Variants in TBC1D1 observed in about 807,000 individuals in gnomAD.
The protein encoded by TBC1D1 is TBC1 domain family member 1, also known as TBC1 (tre-2/USP6, BUB2, cdc16) domain family, member 1.
A neutral mutation model predicts 125.6 loss-of-function variants in TBC1D1; 89 were observed. The observed-to-expected ratio is 0.71, with a 90% CI of 0.60 to 0.85. The LOEUF is 0.85. Ranked by LOEUF, TBC1D1 falls within the 40% of genes least tolerant of loss-of-function variation. The pLI is 0.00. For missense variants in TBC1D1, 1,377 were observed against 1,469.2 expected, an observed-to-expected ratio of 0.94 and a Z score of 1.03; for synonymous variants, 565 against 564.1, an observed-to-expected ratio of 1.00 and a Z score of -0.02.
chr4:38,006,474 ATTTTTTTTTT>A (rs71190940), intron 2 of TBC1D1, among the ~76,000 whole-genome samples: 1 of 101,388 alleles, frequency 9.9e-6, no homozygotes, highest in Non-Finnish European at 1.9e-5. Context: ...GACCAACACT[ATTTTTTTTTT>A]TTTTTTTTTT....
At chr4:37,898,840 G>C (rs2152216136) in intron 1 of TBC1D1, among the ~76,000 whole-genome samples, 1 of 152,308 alleles carries the variant, frequency 6.6e-6, no homozygotes, top group South Asian at 2.1e-4. Context: ...TCTGAGGAGA[G>C]AGGAACCGTA....
At chr4:37,958,279 T>C (rs1164333422) in intron 2 of TBC1D1, among the ~76,000 whole-genome samples, 1 of 152,194 alleles carries the variant, frequency 6.6e-6, no homozygotes, top group African/African-American at 2.4e-5. Flanking sequence ...AGCAGGCCAT[T>C]TTCATCTCTA....
chr4:37,944,278 G>A (rs776210093), intron 2 of TBC1D1, among the ~76,000 whole-genome samples: 2 of 152,158 alleles, frequency 1.3e-5, no homozygotes, highest in Non-Finnish European at 2.9e-5. Flanking sequence ...GCTACTTGGG[G>A]GTCAGGGACC....
chr4:38,067,794 CTTGTAG>C (rs1483695621), intron 12 of TBC1D1, among the ~76,000 whole-genome samples: 1 of 152,174 alleles, frequency 6.6e-6, no homozygotes, highest in African/African-American at 2.4e-5. Context: ...ACCAGATGTT[CTTGTAG>C]TACGAAAAGT....
chr4:38,124,362 A>G (rs1392813558), intron 17 of TBC1D1, among the ~76,000 whole-genome samples: 2 of 152,220 alleles, frequency 1.3e-5, no homozygotes, highest in Non-Finnish European at 2.9e-5. Flanking sequence ...CACTCTAAGA[A>G]CAAAATATGG....
At chr4:37,897,061 G>A (rs945845004) in intron 1 of TBC1D1, among the ~76,000 whole-genome samples, 5 of 152,110 alleles carry the variant, frequency 3.3e-5, no homozygotes, top group African/African-American at 1.2e-4. Flanking sequence ...TGGAATCACA[G>A]TATTTCTTGC....
In TBC1D1 at chr4:38,137,294, C is replaced by T. The variant is rs142224285; in HGVS notation, c.3466C>T (p.Arg1156Trp). The change falls in exon 20 of 20, where the codon CGG (arginine) becomes TGG (tryptophan). Residue 1156 changes from arginine to tryptophan, a missense_variant. By Grantham distance (101) the Arg-to-Trp change is moderately radical. Transcript: ENST00000261439. ...GCGGCGGAGCGCAGAGCCCAGCGAC[C>T]GGGAGCCTGAGTGCACGCAGCCCGA... is the stretch of plus-strand genomic sequence containing the variant. The T allele has an allele frequency of 6.5e-5, 105 of 1,611,306 alleles. No homozygotes were observed. Among genetic ancestry groups the T allele is most frequent in the Admixed American group, 3.3e-5 (2 of 59,966 alleles).
At chr4:37,941,438 C>T (rs952235810) in intron 2 of TBC1D1, among the ~76,000 whole-genome samples, 9 of 152,040 alleles carry the variant, frequency 5.9e-5, no homozygotes, top group Non-Finnish European at 1.0e-4. Context: ...GTCTTGCTAG[C>T]GGTCTATCAA....
chr4:38,133,007 C>T (rs375473837), intron 18 of TBC1D1, 77 bp from the exon 21 acceptor site: 5 of 1,353,026 alleles, frequency 3.7e-6, no homozygotes, highest in African/African-American at 1.5e-5. Flanking sequence ...TGCGCATTGT[C>T]GTGATTGCAG....
At position 38,133,158 on chromosome 4, in the gene TBC1D1, C is replaced by G. The variant is rs759170557; in HGVS notation, c.3207C>G (p.Ile1069Met). ...ACCACGTCCTTCAAGAAGAACTTATCGATTCCTCTCCTCTCAGTGACAACC... is the reference window on the plus strand; with the variant it reads ...ACCACGTCCTTCAAGAAGAACTTATGGATTCCTCTCCTCTCAGTGACAACC... Residue 1069 changes from isoleucine to methionine, a missense_variant, in exon 19 of 20, where the codon ATC becomes ATG. Ile to Met is a conservative substitution (Grantham distance 10, BLOSUM62 1). This residue lies in a region of TBC1D1 where 543 missense variants were observed against 613.5 expected (regional missense o/e 0.89). Transcript: ENST00000261439. 1 of 1,614,128 alleles carries G rather than the reference C, an allele frequency of 6.2e-7. No homozygotes were observed. The highest frequency in any genetic ancestry group is 1.1e-5 in the South Asian group (1 of 91,086).
chr4:38,016,908 G>A (rs1742853331), intron 3 of TBC1D1, among the ~76,000 whole-genome samples: 1 of 152,226 alleles, frequency 6.6e-6, no homozygotes, highest in Non-Finnish European at 1.5e-5. Context: ...CAGGATACTT[G>A]GGGGAGGGCA....
At chr4:37,936,282 A>G (rs1724374144) in intron 2 of TBC1D1, among the ~76,000 whole-genome samples, 1 of 152,280 alleles carries the variant, frequency 6.6e-6, no homozygotes, top group Non-Finnish European at 1.5e-5. Flanking sequence ...GAACAATTAT[A>G]ACAATAGATT....
rs148407331 is a variant in TBC1D1 at position 37,971,789 on chromosome 4, A to G, written c.418-42720A>G. 1.9e-3 allele frequency among the ~76,000 whole-genome samples: 293 copies of G among 152,360 alleles called. 2 individuals carry two copies. The highest frequency in any genetic ancestry group is 6.8e-3 in the Middle Eastern group (2 of 294). On this transcript the variant is annotated intron_variant, in intron 2 of 19. Coordinates refer to ENST00000261439, the MANE Select transcript of TBC1D1 (RefSeq NM_015173.4). ...ATATTTCTAAGCTTTAAGTAAACCCAGAGTCAACATTATGGGTCAACACCA... is the reference window on the plus strand; with the variant it reads ...ATATTTCTAAGCTTTAAGTAAACCCGGAGTCAACATTATGGGTCAACACCA...
chr4:37,904,805 G>A (rs146506852), intron 2 of TBC1D1, among the ~76,000 whole-genome samples: 25 of 152,334 alleles, frequency 1.6e-4, no homozygotes, highest in African/African-American at 5.8e-4. Context: ...TGATTTTGTT[G>A]TTGGAAACAG....
intron 11 of TBC1D1, among the ~76,000 whole-genome samples, chr4:38,053,867 C>T (rs1751178570): frequency 6.6e-6 from 1 of 152,200 alleles, no homozygotes; most frequent in Non-Finnish European, 1.5e-5. Flanking sequence ...GGCATCACCC[C>T]CTTTCCCCCT....
intron 12 of TBC1D1, among the ~76,000 whole-genome samples, chr4:38,089,079 G>C (rs1758011300): frequency 6.6e-6 from 1 of 152,200 alleles, no homozygotes; most frequent in Admixed American, 6.5e-5. Context: ...GTGTAATTTA[G>C]ATATAGGAAA....
At chr4:38,036,317 G>A (rs568994279) in intron 8 of TBC1D1, among the ~76,000 whole-genome samples, 1 of 152,264 alleles carries the variant, frequency 6.6e-6, no homozygotes, top group East Asian at 1.9e-4. Flanking sequence ...CTTCAGGTTT[G>A]GGAGTCCCTA....
intron 2 of TBC1D1, among the ~76,000 whole-genome samples, chr4:37,916,316 TTC>T (rs965016130): frequency 6.6e-6 from 1 of 151,958 alleles, no homozygotes; most frequent in Non-Finnish European, 1.5e-5. Context: ...CTCTCTCTTG[TTC>T]TCTCTCTCTG....
intron 18 of TBC1D1, among the ~76,000 whole-genome samples, chr4:38,127,962 G>A (rs56364641): frequency 0.19 from 28,537 of 152,044 alleles, 3,082 homozygotes; most frequent in Non-Finnish European, 0.24. Flanking sequence ...TACTCACCTC[G>A]GCCTTTGCAG....
Sources: allele counts gnomAD v4.1 joint callset (sites outside exome capture counted in the v4.1 genomes callset), GRCh38; gene constraint gnomAD v4.1.1; regional missense constraint gnomAD v4.1.1; transcripts MANE v1.5; gene names NCBI Gene and HGNC (gene_info 2026-07-23, HGNC 2026-07-21).